Variants in KCNJ6 observed in about 807,000 individuals in gnomAD.
KCNJ6 encodes the protein G protein-activated inward rectifier potassium channel 2.
KCNJ6 carries 9 observed loss-of-function variants against 34.2 expected under a neutral mutation model. The ratio of observed to expected loss-of-function variants is 0.26; its 90% CI spans 0.16 to 0.46. The LOEUF (loss-of-function observed/expected upper bound fraction) is 0.46. KCNJ6 is among the 20% of genes least tolerant of loss of function. The pLI, the probability that KCNJ6 is intolerant of heterozygous loss-of-function variation, is 1.00. For missense variants in KCNJ6, 236 were observed against 531.3 expected, an observed-to-expected ratio of 0.44 and a Z score of 5.46; for synonymous variants, 196 against 207.1, an observed-to-expected ratio of 0.95 and a Z score of 0.46.
At chr21:37,655,670 T>C (rs1409473228) in intron 3 of KCNJ6, among the ~76,000 whole-genome samples, 1 of 152,176 alleles carries the variant, frequency 6.6e-6, no homozygotes, top group Non-Finnish European at 1.5e-5. Context: ...AGTTGGCTTC[T>C]TATAATCCAG....
chr21:37,689,468 C>G (rs2054629968), intron 3 of KCNJ6, among the ~76,000 whole-genome samples: 1 of 152,158 alleles, frequency 6.6e-6, no homozygotes. Context: ...CATCCTGTCT[C>G]TTTGTTATCA....
chr21:37,869,647 A>G (rs182609101), intron 1 of KCNJ6, among the ~76,000 whole-genome samples: 7 of 152,372 alleles, frequency 4.6e-5, no homozygotes, highest in African/African-American at 1.7e-4. Flanking sequence ...GACAGGTTCT[A>G]GCTAACCCTG....
chr21:37,649,157 A>AAC (rs755535850), intron 3 of KCNJ6, among the ~76,000 whole-genome samples: 9,380 of 133,316 alleles, frequency 0.07, 980 homozygotes, highest in South Asian at 0.16. Context: ...AAAAAAAAGA[A>AAC]AGAAAAAGAA....
chr21:37,607,463 G>GATATATATATATATATATAT lies in KCNJ6; in HGVS notation c.*17676_*17695dup, dbSNP rs34826537. 749 of 128,504 alleles carry GATATATATATATATATATAT rather than the reference G, an allele frequency of 5.8e-3. 9 individuals are homozygous for GATATATATATATATATATAT. Among genetic ancestry groups the GATATATATATATATATATAT allele is most frequent in the East Asian group, 0.021 (80 of 3,882 alleles). The allele number at this position is 128,504 out of a possible 1,614,324, so 8.0% of individuals were successfully genotyped here. A position where few individuals can be genotyped will look rare whatever the true frequency, so the allele number is the denominator to read the frequency against. ...TTCCCTAACACAGCGAGTTCTTAAA[G>GATATATATATATATATATAT]ATATATATATATATATATATTTTTT... On this transcript the variant is annotated 3_prime_UTR_variant, in exon 4 of 4. Coordinates refer to ENST00000609713, the MANE Select transcript of KCNJ6 (RefSeq NM_002240.5).
intron 2 of KCNJ6, among the ~76,000 whole-genome samples, chr21:37,774,422 G>A (rs981971705): frequency 1.8e-4 from 28 of 151,742 alleles, no homozygotes; most frequent in African/African-American, 6.3e-4. Flanking sequence ...ATATGTATAC[G>A]TGTGCCATGT....
chr21:37,816,277 C>T (rs1470652100), intron 2 of KCNJ6, among the ~76,000 whole-genome samples: 3 of 152,152 alleles, frequency 2.0e-5, no homozygotes, highest in South Asian at 2.1e-4. Flanking sequence ...TTTGGAGGAC[C>T]GGTTTACATT....
At chr21:37,661,640 T>TTTTTTTTTTTTTTTTTTA in intron 3 of KCNJ6, among the ~76,000 whole-genome samples, 1 of 132,336 alleles carries the variant, frequency 7.6e-6, no homozygotes, top group Admixed American at 7.5e-5. Context: ...TTTTTTTTTT[T>TTTTTTTTTTTTTTTTTTA]GAGACTGGAG....
At chr21:37,804,451 T>G (rs1188387014) in intron 2 of KCNJ6, among the ~76,000 whole-genome samples, 1 of 152,172 alleles carries the variant, frequency 6.6e-6, no homozygotes, top group African/African-American at 2.4e-5. Flanking sequence ...ATTTCAGGGG[T>G]ACGTGTGCAG....
chr21:37,791,962 A>G (rs924090017), intron 2 of KCNJ6, among the ~76,000 whole-genome samples: 2 of 152,328 alleles, frequency 1.3e-5, no homozygotes, highest in Non-Finnish European at 1.5e-5. Flanking sequence ...AGCGATAAAA[A>G]TGTTGTTATA....
In KCNJ6 at chr21:37,608,179, A is replaced by C. The variant is rs183004515; in HGVS notation, c.*16980T>G. On this transcript the variant is annotated 3_prime_UTR_variant, in exon 4 of 4. Coordinates refer to ENST00000609713, the MANE Select transcript of KCNJ6 (RefSeq NM_002240.5). ...TTCTAAGTCTCTATAAATTAGCACC[A>C]GTTTTCCAAATGCATATTTTATCAA... is the stretch of plus-strand genomic sequence containing the variant. 5.9e-5 allele frequency: 9 copies of C among 152,328 alleles called. No homozygotes were observed. The East Asian group carries it at 1.7e-3, about 29-fold the overall frequency. The allele number at this position is 152,328 out of a possible 1,614,324, so 9.4% of individuals were successfully genotyped here.
chr21:37,827,626 G>A (rs1030321004), intron 2 of KCNJ6, among the ~76,000 whole-genome samples: 1 of 151,976 alleles, frequency 6.6e-6, no homozygotes, highest in African/African-American at 2.4e-5. Context: ...GTTGAGAATA[G>A]TAAGTAAAAC....
intron 3 of KCNJ6, among the ~76,000 whole-genome samples, chr21:37,672,842 C>T (rs551467468): frequency 5.3e-5 from 8 of 151,926 alleles, no homozygotes; most frequent in Non-Finnish European, 1.2e-4. Context: ...GCAGTGGTAC[C>T]ATCACAGCTT....
At chr21:37,830,073 G>A (rs996329586) in intron 2 of KCNJ6, among the ~76,000 whole-genome samples, 5 of 152,190 alleles carry the variant, frequency 3.3e-5, no homozygotes, top group Non-Finnish European at 5.9e-5. Context: ...CCCCAAGGCA[G>A]TGGTATTTCC....
chr21:37,671,775 T>C (rs1426709508), intron 3 of KCNJ6, among the ~76,000 whole-genome samples: 1 of 152,252 alleles, frequency 6.6e-6, no homozygotes, highest in Non-Finnish European at 1.5e-5. Context: ...TGGTTGTTGT[T>C]GGAGAAACCC....
At chr21:37,697,595 G>C (rs1421560529) in intron 3 of KCNJ6, among the ~76,000 whole-genome samples, 1 of 152,178 alleles carries the variant, frequency 6.6e-6, no homozygotes, top group Non-Finnish European at 1.5e-5. Context: ...CCACATCTTA[G>C]GGTCTTTGTG....
chr21:37,665,526 C>T (rs756538774), intron 3 of KCNJ6, among the ~76,000 whole-genome samples: 13 of 152,118 alleles, frequency 8.5e-5, no homozygotes, highest in Admixed American at 5.2e-4. Context: ...TTAATTACTC[C>T]GCTGAATTTC....
chr21:37,907,807 A>G (rs1400826481), intron 1 of KCNJ6, among the ~76,000 whole-genome samples: 2 of 152,190 alleles, frequency 1.3e-5, no homozygotes, highest in African/African-American at 4.8e-5. Flanking sequence ...TAATTCTTTC[A>G]TCTACTCTAA....
intron 3 of KCNJ6, among the ~76,000 whole-genome samples, chr21:37,648,893 A>G (rs2054417883): frequency 6.6e-6 from 1 of 152,098 alleles, no homozygotes; most frequent in Non-Finnish European, 1.5e-5. Context: ...GCACTTCGGG[A>G]GGCTAAGGCG....
intron 3 of KCNJ6, among the ~76,000 whole-genome samples, chr21:37,635,391 T>C (rs973018995): frequency 3.3e-5 from 5 of 151,874 alleles, no homozygotes; most frequent in African/African-American, 1.2e-4. Flanking sequence ...CTAATTTTTG[T>C]ATTTTTAGTA....
Sources: allele counts gnomAD v4.1 joint callset (sites outside exome capture counted in the v4.1 genomes callset), GRCh38; gene constraint gnomAD v4.1.1; transcripts MANE v1.5; gene names NCBI Gene and HGNC (gene_info 2026-07-23, HGNC 2026-07-21).